COL1A2: variants seen among roughly 807,000 people sequenced by gnomAD.
COL1A2 encodes collagen alpha-2(I) chain.
Under a neutral mutation model 174.3 loss-of-function variants are expected in COL1A2, and 49 were observed. The ratio of observed to expected loss-of-function variants is 0.28; its 90% CI spans 0.22 to 0.36. The LOEUF is 0.36. COL1A2 is among the 10% of genes least tolerant of loss of function. The pLI, the probability that COL1A2 is intolerant of heterozygous loss-of-function variation, is 1.00. For missense variants in COL1A2, 1,438 were observed against 1,822.7 expected, an observed-to-expected ratio of 0.79 and a Z score of 3.84; for synonymous variants, 655 against 606.6, an observed-to-expected ratio of 1.08 and a Z score of -1.17.
intron 6 of COL1A2, among the ~76,000 whole-genome samples, chr7:94,404,271 T>C (rs1166889851): frequency 6.6e-6 from 1 of 152,230 alleles, no homozygotes; most frequent in Non-Finnish European, 1.5e-5. Flanking sequence ...ATTCACTTCA[T>C]TGCATCAGAA....
chr7:94,406,874 A>G (rs979471244), intron 12 of COL1A2, among the ~76,000 whole-genome samples: 2 of 152,258 alleles, frequency 1.3e-5, no homozygotes, highest in African/African-American at 4.8e-5. Context: ...ATGTGATATT[A>G]AAGTGAATAC....
In COL1A2 at chr7:94,408,369, G is replaced by C; in HGVS notation, c.727G>C (p.Val243Leu). The change falls in exon 15 of 52, where the codon GTG (valine) becomes CTG (leucine). Residue 243 changes from valine to leucine, a missense_variant. This residue lies in a region of COL1A2 where 867 missense variants were observed against 1,213.7 expected (regional missense o/e 0.71). Coordinates refer to ENST00000297268, the MANE Select transcript of COL1A2 (RefSeq NM_000089.4). ...ARGSDGSVGP[V>L]GPAGPIGSAG... The stretch of plus-strand genomic sequence containing the variant: ...TGGCAGTGATGGAAGTGTGGGTCCC[G>C]TGGGTCCTGCTGTAAGTTTTGACAC... 6.2e-7 allele frequency: 1 copy of C among 1,614,106 alleles called. No homozygotes were observed.
In COL1A2 at chr7:94,426,158, T is replaced by A. The variant is rs41317737; in HGVS notation, c.2997+107T>A. The A allele has an allele frequency of 0.012, 13,549 of 1,150,326 alleles. 983 individuals are homozygous for A. The African/African-American group carries it at 0.17, about 14-fold the overall frequency. The allele number at this position is 1,150,326 out of a possible 1,614,324, so 71.3% of individuals were successfully genotyped here. ...TATATCAGCTAGACTTAATATTTTT[T>A]AAAAATTTCAGTCCATGCTGAGAAT... is the stretch of plus-strand genomic sequence containing the variant. On this transcript the variant is annotated intron_variant, in intron 45 of 51. Transcript: ENST00000297268.
chr7:94,414,631 G>C (rs541439985), intron 29 of COL1A2, among the ~76,000 whole-genome samples: 9 of 152,158 alleles, frequency 5.9e-5, no homozygotes, highest in African/African-American at 1.7e-4. Flanking sequence ...ACTAGATCCC[G>C]AAAAATTCCT....
rs751831810 is a variant in COL1A2 at position 94,417,794 on chromosome 7, G to C, written c.1934G>C (p.Arg645Thr). 1 of 1,604,528 alleles carries C rather than the reference G, an allele frequency of 6.2e-7. No individual in the cohort carries two copies. The highest frequency in any genetic ancestry group is 1.7e-4 in the Middle Eastern group (1 of 6,040). Reference protein sequence around the residue: ...PSGPSGLPGERGAAGIPGGKG... With the variant: ...PSGPSGLPGETGAAGIPGGKG... Reference sequence around the variant, plus strand: ...GGTCCTAGTGGACTCCCAGGAGAGAGGGGTGCTGCTGGCATACCTGGAGGC... The same window carrying C: ...GGTCCTAGTGGACTCCCAGGAGAGACGGGTGCTGCTGGCATACCTGGAGGC... The change falls in exon 32 of 52, where the codon AGG becomes ACG. Residue 645 changes from arginine to threonine, a missense_variant. This residue lies in a region of COL1A2 where 867 missense variants were observed against 1,213.7 expected (regional missense o/e 0.71). Coordinates refer to ENST00000297268, the MANE Select transcript of COL1A2 (RefSeq NM_000089.4).
chr7:94,426,295 G>A (rs1792276154), intron 45 of COL1A2, 128 bp from the exon 46 acceptor site: 1 of 934,242 alleles, frequency 1.1e-6, no homozygotes, highest in Non-Finnish European at 1.7e-6. Flanking sequence ...ACCAGCAGAG[G>A]TGAGAGCCTA....
chr7:94,397,270 T>A (rs41317861), intron 1 of COL1A2, among the ~76,000 whole-genome samples: 3,351 of 152,254 alleles, frequency 0.022, 127 homozygotes, highest in African/African-American at 0.076. Flanking sequence ...TCAGCTTCAA[T>A]GTTTCATAAA....
Position 94,407,897 on chromosome 7 carries a change from T to C in COL1A2, c.639+6T>C. Reference sequence around the variant, plus strand: ...ATGGAACTCCAGGTCAAACAGTAAGTATTGACTACTTCATTGTAAATTTAA... The same window carrying C: ...ATGGAACTCCAGGTCAAACAGTAAGCATTGACTACTTCATTGTAAATTTAA... On this transcript the variant is annotated splice_donor_region_variant and intron_variant, in intron 13 of 51. Transcript: ENST00000297268. 1 of 1,611,078 alleles carries C rather than the reference T, an allele frequency of 6.2e-7. No individual in the cohort carries two copies. The highest frequency in any genetic ancestry group is 8.5e-7 in the Non-Finnish European group (1 of 1,177,448).
In COL1A2 at chr7:94,397,724, ACTTTTT is replaced by A; in HGVS notation, c.71-17_71-12del. ...GAAGTGATACTAATAATTGTTTCCTACTTTTTCTTTTTTTTTTCTACAGCTTTACAA... is the reference window on the plus strand; with the variant it reads ...GAAGTGATACTAATAATTGTTTCCTACTTTTTTTTTTCTACAGCTTTACAA... On this transcript the variant is annotated intron_variant, in intron 1 of 51. Coordinates refer to ENST00000297268, the MANE Select transcript of COL1A2 (RefSeq NM_000089.4). The A allele has an allele frequency of 8.1e-7, 1 of 1,230,872 alleles. No individual in the cohort carries two copies. The highest frequency in any genetic ancestry group is 1.3e-5 in the South Asian group (1 of 78,556). The allele number at this position is 1,230,872 out of a possible 1,614,324, so 76.2% of individuals were successfully genotyped here. A position where few individuals can be genotyped will look rare whatever the true frequency, so the allele number is the denominator to read the frequency against.
intron 41 of COL1A2, 114 bp from the exon 42 acceptor site, chr7:94,425,003 T>G: frequency 1.1e-6 from 1 of 876,046 alleles, no homozygotes; most frequent in Non-Finnish European, 1.9e-6. Flanking sequence ...CCATTCACAT[T>G]CAATTTACCT....
In COL1A2 at chr7:94,429,387, G is replaced by A; in HGVS notation, c.3911G>A (p.Gly1304Asp). Residue 1304 changes from glycine (G) to aspartate (D), a missense_variant, in exon 51 of 52, where the codon GGC becomes GAC. Physicochemically the swap from Gly to Asp is moderately conservative, Grantham distance 94. Around this residue, in one of 3 missense-constraint regions of COL1A2, gnomAD observed 290 missense variants for 298.1 expected, o/e 0.97. Transcript: ENST00000297268. ...AATGATGTTGAACTTGTTGCTGAGG[G>A]CAACAGCAGGTTCACTTACACTGTT... ...GSNDVELVAEGNSRFTYTVLV... is the reference protein window; with the variant it reads ...GSNDVELVAEDNSRFTYTVLV... 1 of 1,613,914 alleles carries A rather than the reference G, an allele frequency of 6.2e-7. No individual in the cohort carries two copies. Among genetic ancestry groups the A allele is most frequent in the Non-Finnish European group, 8.5e-7 (1 of 1,179,878 alleles).
intron 50 of COL1A2, 65 bp from the exon 51 acceptor site, chr7:94,429,123 C>CTTTTTTG: frequency 9.3e-6 from 5 of 538,030 alleles, no homozygotes; most frequent in Non-Finnish European, 1.0e-5. Context: ...TTTTTTTTTT[C>CTTTTTTG]ATGTTTGACT....
chr7:94,422,160 GAACACCAGT>G (rs1424505518), intron 39 of COL1A2: 1 of 441,754 alleles, frequency 2.3e-6, no homozygotes, highest in African/African-American at 2.0e-5. Flanking sequence ...TTATTCATGT[GAACACCAGT>G]CCCCTTTCAG....
intron 26 of COL1A2, 132 bp downstream of exon 26, chr7:94,413,268 C>T (rs1217009035): frequency 5.5e-6 from 5 of 913,154 alleles, no homozygotes; most frequent in Non-Finnish European, 8.9e-6. Flanking sequence ...CTTTTACTAT[C>T]ATAAAATGCC....
rs1792286248 is a variant in COL1A2 at position 94,426,756 on chromosome 7, A to G, written c.3105+226A>G. The G allele has an allele frequency of 3.2e-5, 20 of 629,348 alleles. No homozygotes were observed. In the East Asian group the frequency reaches 5.4e-4, roughly 17 times the overall value. The allele number at this position is 629,348 out of a possible 1,614,324, so 39.0% of individuals were successfully genotyped here. On this transcript the variant is annotated intron_variant, in intron 46 of 51. Coordinates refer to ENST00000297268, the MANE Select transcript of COL1A2 (RefSeq NM_000089.4). Reference sequence around the variant, plus strand: ...AGACATACAATAAAATCTCCTGGTAACAATGTCCTTCAACCCCACTTAAAA... The same window carrying G: ...AGACATACAATAAAATCTCCTGGTAGCAATGTCCTTCAACCCCACTTAAAA...
At chr7:94,411,015 C>T in intron 22 of COL1A2, 41 bp from the exon 23 acceptor site, 1 of 1,602,650 alleles carries the variant, frequency 6.2e-7, no homozygotes, top group Non-Finnish European at 8.5e-7. Flanking sequence ...TTAGCTTTAG[C>T]ATCCTCCTCC....
At chr7:94,424,689 G>A (rs888398114) in intron 41 of COL1A2, 9 of 511,666 alleles carry the variant, frequency 1.8e-5, no homozygotes, top group African/African-American at 5.8e-5. Flanking sequence ...ACTTAGGAAT[G>A]ATACAATCTC....
chr7:94,422,856 G>T, intron 39 of COL1A2, 101 bp from the exon 40 acceptor site: 1 of 1,365,674 alleles, frequency 7.3e-7, no homozygotes, highest in Non-Finnish European at 1.0e-6. Context: ...TTATTTTATT[G>T]CATCACATTG....
intron 51 of COL1A2, chr7:94,429,681 A>G (rs1792360646): frequency 2.2e-6 from 1 of 464,736 alleles, no homozygotes; most frequent in African/African-American, 1.9e-5. Context: ...TGAAATGCTG[A>G]AATGTATACT....
Sources: gnomAD v4.1 joint callset for allele counts (sites outside exome capture counted in the v4.1 genomes callset) on GRCh38, gnomAD v4.1.1 for gene constraint, gnomAD v4.1.1 regional missense constraint, MANE v1.5 for transcripts, NCBI Gene and HGNC (gene_info 2026-07-23, HGNC 2026-07-21) for gene names.